Variants in NRG3 observed in about 807,000 individuals in gnomAD.
NRG3 encodes the protein neuregulin 3.
In NRG3, 31 loss-of-function variants were observed where a neutral mutation model predicts 66.9. The observed-to-expected ratio is 0.46, with a 90% CI of 0.35 to 0.63. The LOEUF is 0.63. Ranked by LOEUF, NRG3 falls within the 20% of genes least tolerant of loss-of-function variation. The pLI is 0.00. For missense variants in NRG3, 910 were observed against 878.9 expected (o/e 1.04, Z -0.45); for synonymous variants, 393 against 359.4 (o/e 1.09, Z -1.06).
At chr10:82,763,539 T>C (rs992605444) in intron 3 of NRG3, among the ~76,000 whole-genome samples, 5 of 152,174 alleles carry the variant, frequency 3.3e-5, no homozygotes, top group Admixed American at 6.5e-5. Context: ...TTTGGATTGC[T>C]GACCAAATTA....
chr10:82,209,934 A>C (rs1440773665), intron 1 of NRG3, among the ~76,000 whole-genome samples: 1 of 152,134 alleles, frequency 6.6e-6, no homozygotes, highest in Non-Finnish European at 1.5e-5. Context: ...TAATTGATGC[A>C]AAAAAATCAA....
At chr10:82,733,601 A>G (rs1190002717) in intron 2 of NRG3, among the ~76,000 whole-genome samples, 1 of 152,204 alleles carries the variant, frequency 6.6e-6, no homozygotes, top group African/African-American at 2.4e-5. Flanking sequence ...AGAGTGTGAC[A>G]GTGAAGCAAC....
At chr10:82,782,738 T>C (rs1247084089) in intron 3 of NRG3, among the ~76,000 whole-genome samples, 1 of 151,446 alleles carries the variant, frequency 6.6e-6, no homozygotes, top group African/African-American at 2.4e-5. Flanking sequence ...CCAAAAAGAG[T>C]CCAGGACCAG....
chr10:82,114,812 G>A (rs1195107173), intron 1 of NRG3, among the ~76,000 whole-genome samples: 1 of 152,082 alleles, frequency 6.6e-6, no homozygotes, highest in African/African-American at 2.4e-5. Flanking sequence ...ATTGGCTGTG[G>A]TTAGGAGGGT....
Position 82,530,280 on chromosome 10 carries a change from G to A in NRG3, c.953+171412G>A, listed in dbSNP as rs151114086. Among the ~76,000 whole-genome samples, 135 of 152,078 alleles carry A rather than the reference G, an allele frequency of 8.9e-4. 1 individual carries two copies. Among genetic ancestry groups the A allele is most frequent in the South Asian group, 8.3e-4 (4 of 4,830 alleles). Reference sequence around the variant, plus strand: ...ATGGAGCAGAAATGTAGTAACAATAGCCTGTGTACAAACATAATTCATAAC... The same window carrying A: ...ATGGAGCAGAAATGTAGTAACAATAACCTGTGTACAAACATAATTCATAAC... On this transcript the variant is annotated intron_variant, in intron 2 of 8. Coordinates refer to ENST00000372141, the MANE Select transcript of NRG3 (RefSeq NM_001010848.4).
chr10:82,611,889 T>G (rs544772244), intron 2 of NRG3, among the ~76,000 whole-genome samples: 1 of 152,318 alleles, frequency 6.6e-6, no homozygotes, highest in South Asian at 2.1e-4. Flanking sequence ...CCATCAACAG[T>G]GTGAAAGCGT....
intron 2 of NRG3, among the ~76,000 whole-genome samples, chr10:82,483,048 C>A (rs1183494793): frequency 6.6e-6 from 1 of 152,062 alleles, no homozygotes; most frequent in East Asian, 1.9e-4. Context: ...TCAAAAAATT[C>A]CAACATTCAA....
chr10:82,688,761 CT>C (rs1396223793), intron 2 of NRG3, among the ~76,000 whole-genome samples: 2 of 141,890 alleles, frequency 1.4e-5, no homozygotes, highest in East Asian at 2.1e-4. Flanking sequence ...ATCCATAGGT[CT>C]TTTTTAGAAA....
chr10:82,579,927 G>C (rs770714785), intron 2 of NRG3, among the ~76,000 whole-genome samples: 1 of 151,854 alleles, frequency 6.6e-6, no homozygotes, highest in African/African-American at 2.4e-5. Flanking sequence ...TATCAATACA[G>C]TCACTCCTTG....
chr10:82,619,000 GA>G (rs995125063), intron 2 of NRG3, among the ~76,000 whole-genome samples: 2 of 150,430 alleles, frequency 1.3e-5, no homozygotes, highest in East Asian at 1.9e-4. Flanking sequence ...TGTATACTTA[GA>G]AAAAAAAATT....
chr10:82,835,669 T>C (rs932442195), intron 3 of NRG3, among the ~76,000 whole-genome samples: 17 of 152,138 alleles, frequency 1.1e-4, no homozygotes, highest in Non-Finnish European at 2.5e-4. Flanking sequence ...GTTCTGAGCT[T>C]TTATGAAGTT....
At chr10:82,237,520 G>C (rs1410451914) in intron 1 of NRG3, among the ~76,000 whole-genome samples, 1 of 151,404 alleles carries the variant, frequency 6.6e-6, no homozygotes, top group African/African-American at 2.4e-5. Context: ...GCTGAACTAT[G>C]TCTACTTCAT....
At chr10:82,100,158 A>G (rs1458714788) in intron 1 of NRG3, among the ~76,000 whole-genome samples, 1 of 152,064 alleles carries the variant, frequency 6.6e-6, no homozygotes, top group Non-Finnish European at 1.5e-5. Flanking sequence ...ATTTTAATGG[A>G]ATAGTAAATG....
At chr10:82,506,425 C>T (rs1844684172) in intron 2 of NRG3, among the ~76,000 whole-genome samples, 1 of 152,128 alleles carries the variant, frequency 6.6e-6, no homozygotes, top group African/African-American at 2.4e-5. Context: ...TTGTTGCCTG[C>T]AGTCACAGAA....
rs1297722733 is a variant in NRG3, at chr10:82,382,569, A to G, written c.953+23701A>G. On this transcript the variant is annotated intron_variant, in intron 2 of 8. Transcript: ENST00000372141. Reference sequence around the variant, plus strand: ...TTGCAGGCCTGTAATCCTGCAATATAAAAATAGTGCATCTTTGTTTCATAG... The same window carrying G: ...TTGCAGGCCTGTAATCCTGCAATATGAAAATAGTGCATCTTTGTTTCATAG... Among the ~76,000 whole-genome samples, 5 of 152,010 alleles carry G rather than the reference A, an allele frequency of 3.3e-5. No individual in the cohort carries two copies. The East Asian group carries it at 9.6e-4, about 29-fold the overall frequency.
intron 1 of NRG3, among the ~76,000 whole-genome samples, chr10:82,093,056 C>T (rs1183835413): frequency 6.6e-6 from 1 of 152,186 alleles, no homozygotes; most frequent in Non-Finnish European, 1.5e-5. Context: ...GCCTTAGACT[C>T]ATTACTCTTC....
chr10:82,686,094 G>A (rs915968999), intron 2 of NRG3, among the ~76,000 whole-genome samples: 47 of 151,784 alleles, frequency 3.1e-4, no homozygotes, highest in Admixed American at 1.9e-3. Flanking sequence ...TTATAGTATA[G>A]AAAATATATT....
chr10:82,708,654 T>A (rs2056470132), intron 2 of NRG3, among the ~76,000 whole-genome samples: 1 of 152,244 alleles, frequency 6.6e-6, no homozygotes. Flanking sequence ...GTATACTTTT[T>A]ATTTCTATGA....
intron 4 of NRG3, among the ~76,000 whole-genome samples, chr10:82,937,928 A>G (rs1673565919): frequency 6.6e-6 from 1 of 152,204 alleles, no homozygotes; most frequent in African/African-American, 2.4e-5. Context: ...AATGAGCTGT[A>G]AGTCTCATAT....
Sources: gnomAD v4.1 joint callset for allele counts (sites outside exome capture counted in the v4.1 genomes callset) on GRCh38, gnomAD v4.1.1 for gene constraint, MANE v1.5 for transcripts, NCBI Gene and HGNC (gene_info 2026-07-23, HGNC 2026-07-21) for gene names.